NUP93: variants seen among roughly 807,000 people sequenced by gnomAD.
NUP93 encodes the protein nuclear pore complex protein Nup93.
In NUP93, 55 loss-of-function variants were observed where a neutral mutation model predicts 107.8. The observed-to-expected ratio is 0.51, with a 90% CI of 0.41 to 0.64. The LOEUF (loss-of-function observed/expected upper bound fraction) is 0.64, where lower values mean the gene tolerates loss of function less well. Among genes scored for constraint, NUP93 ranks in the 30% least tolerant of loss-of-function variants. NUP93 has a pLI of 0.00. For synonymous variants in NUP93, 390 were observed against 397.5 expected, an observed-to-expected ratio of 0.98 and a Z score of 0.22; for missense variants, 937 against 1,044.7, an observed-to-expected ratio of 0.90 and a Z score of 1.42.
chr16:56,781,881 G>A, intron 3 of NUP93: 1 of 985,364 alleles, frequency 1.0e-6, no homozygotes, highest in Non-Finnish European at 1.2e-6. Context: ...CTCTGAATTT[G>A]TGTAGCGCAC....
chr16:56,768,662 C>A (rs373673648), intron 3 of NUP93, among the ~76,000 whole-genome samples: 2 of 150,876 alleles, frequency 1.3e-5, no homozygotes, highest in Non-Finnish European at 2.9e-5. Context: ...GTCAGGAGAT[C>A]GAGACCATCC....
At chr16:56,828,904 C>A in intron 8 of NUP93, 73 bp from the exon 9 acceptor site, 1 of 1,497,882 alleles carries the variant, frequency 6.7e-7, no homozygotes, top group South Asian at 1.2e-5. Flanking sequence ...AGTGTAATGT[C>A]ATGGATATGG....
intron 1 of NUP93, among the ~76,000 whole-genome samples, chr16:56,731,989 C>T (rs1402025072): frequency 6.6e-6 from 1 of 152,132 alleles, no homozygotes; most frequent in African/African-American, 2.4e-5. Context: ...TAATCTGACC[C>T]ACTGTTACTT....
At chr16:56,737,531 A>G (rs76676380) in intron 1 of NUP93, among the ~76,000 whole-genome samples, 6,393 of 152,192 alleles carry the variant, frequency 0.042, 196 homozygotes, top group East Asian at 0.075. Flanking sequence ...CACTCCCCCT[A>G]CACTCCCAAG....
At chr16:56,771,815 G>A (rs1962327206) in intron 3 of NUP93, among the ~76,000 whole-genome samples, 1 of 152,218 alleles carries the variant, frequency 6.6e-6, no homozygotes, top group African/African-American at 2.4e-5. Context: ...TATGCTGTCT[G>A]AGTAGGTCAT....
At chr16:56,803,274 C>T (rs978740485) in intron 4 of NUP93, among the ~76,000 whole-genome samples, 6 of 152,236 alleles carry the variant, frequency 3.9e-5, no homozygotes, top group Admixed American at 3.3e-4. Flanking sequence ...GCCTAGCCAA[C>T]ATGGTGAAAC....
intron 4 of NUP93, among the ~76,000 whole-genome samples, chr16:56,804,062 C>A (rs868475726): frequency 6.6e-5 from 10 of 152,052 alleles, no homozygotes; most frequent in Non-Finnish European, 1.5e-4. Flanking sequence ...CAGAAAACAA[C>A]GTATTAAGTG....
intron 4 of NUP93, among the ~76,000 whole-genome samples, chr16:56,803,747 A>AATAT (rs71149699): frequency 8.0e-5 from 12 of 149,630 alleles, no homozygotes; most frequent in Non-Finnish European, 1.2e-4. Flanking sequence ...AACAGGGAAA[A>AATAT]ATATATATAT....
chr16:56,832,135 T>C lies in NUP93; in HGVS notation c.1251+128T>C, dbSNP rs1596854514. On this transcript the variant is annotated intron_variant, in intron 11 of 21. Transcript: ENST00000308159. ...CAGGACCAGTGGGTTCCTCGTCTCC[T>C]GTCCCCATTTTTTGTTGTGTAATTC... 5 of 1,284,880 alleles carry C rather than the reference T, an allele frequency of 3.9e-6. No homozygotes were observed. In the East Asian group the frequency reaches 1.2e-4, roughly 30 times the overall value. The allele number at this position is 1,284,880 out of a possible 1,614,324, so 79.6% of individuals were successfully genotyped here.
Position 56,849,610 on chromosome 16 carries a change from C to A in NUP93, c.*5001C>A, listed in dbSNP as rs1191462225. On this transcript the variant is annotated 3_prime_UTR_variant, in exon 22 of 22. Transcript: ENST00000308159. ...GGGGCTTTATGGCCTGCAGGTAAGGCCCCTTCATCCGGGTCAGACTTAGCA... is the reference window on the plus strand; with the variant it reads ...GGGGCTTTATGGCCTGCAGGTAAGGACCCTTCATCCGGGTCAGACTTAGCA... 2 of 152,194 alleles carry A rather than the reference C, an allele frequency of 1.3e-5. No homozygotes were observed. The highest frequency in any genetic ancestry group is 4.8e-5 in the African/African-American group (2 of 41,436). The allele number at this position is 152,194 out of a possible 1,614,324, so 9.4% of individuals were successfully genotyped here.
chr16:56,782,714 T>C (rs1313278988), intron 3 of NUP93: 1 of 152,180 alleles, frequency 6.6e-6, no homozygotes, highest in Non-Finnish European at 1.5e-5. Flanking sequence ...TCTTTAGGAA[T>C]TCAGTCCTTT....
At position 56,741,144 on chromosome 16, in the gene NUP93, T is replaced by C. The variant is rs111889097; in HGVS notation, c.-14-7090T>C. ...ATACATTTAAACATTTTAATTGTCTTCCAGAAGTTCTTACTTAATGATATA... is the reference window on the plus strand; with the variant it reads ...ATACATTTAAACATTTTAATTGTCTCCCAGAAGTTCTTACTTAATGATATA... On this transcript the variant is annotated intron_variant, in intron 1 of 21. Transcript: ENST00000308159. Among the ~76,000 whole-genome samples the C allele has an allele frequency of 8.9e-3, 1,357 of 152,330 alleles. 18 individuals carry two copies. The highest frequency in any genetic ancestry group is 0.031 in the African/African-American group (1,281 of 41,564).
intron 1 of NUP93, among the ~76,000 whole-genome samples, chr16:56,731,408 T>C (rs2144422958): frequency 6.6e-6 from 1 of 152,006 alleles, no homozygotes; most frequent in Non-Finnish European, 1.5e-5. Context: ...TTCCTTTTTT[T>C]TTTTTTCTTT....
At chr16:56,828,220 T>C (rs1963709064) in intron 8 of NUP93, among the ~76,000 whole-genome samples, 2 of 121,158 alleles carry the variant, frequency 1.7e-5, no homozygotes, top group Non-Finnish European at 3.5e-5. Context: ...AAAAAGATCA[T>C]TGTCATGAAA....
At chr16:56,752,344 C>T (rs1254059972) in intron 2 of NUP93, among the ~76,000 whole-genome samples, 1 of 152,084 alleles carries the variant, frequency 6.6e-6, no homozygotes, top group African/African-American at 2.4e-5. Flanking sequence ...AACAAATGTC[C>T]ATCAGTAGGT....
At chr16:56,834,998 CT>C (rs1963881688) in intron 16 of NUP93, among the ~76,000 whole-genome samples, 1 of 152,134 alleles carries the variant, frequency 6.6e-6, no homozygotes, top group African/African-American at 2.4e-5. Flanking sequence ...GATTACATAG[CT>C]TTTTTATTAT....
rs1964144292 is a variant in NUP93 at position 56,848,788 on chromosome 16, G to T, written c.*4179G>T. On this transcript the variant is annotated 3_prime_UTR_variant, in exon 22 of 22. Coordinates refer to ENST00000308159, the MANE Select transcript of NUP93 (RefSeq NM_014669.5). ...CAGCAGATGATTTCAAAACCTCTTT[G>T]TGTGCTGGGCCGTGCTAGGTAGCTG... 1 of 152,198 alleles carries T rather than the reference G, an allele frequency of 6.6e-6. No homozygotes were observed. The highest frequency in any genetic ancestry group is 1.5e-5 in the Non-Finnish European group (1 of 68,030). 9.4% of individuals were successfully genotyped at this position (152,198 alleles called of 1,614,324 possible).
intron 6 of NUP93, among the ~76,000 whole-genome samples, chr16:56,820,411 A>T (rs1963519944): frequency 1.3e-5 from 2 of 152,162 alleles, no homozygotes; most frequent in Admixed American, 1.3e-4. Flanking sequence ...TGCCTCCCAG[A>T]TTCAAGTGAT....
rs369307015 is a variant in NUP93 at position 56,768,289 on chromosome 16, C to T, written c.297+9634C>T. On this transcript the variant is annotated intron_variant, in intron 3 of 21. Transcript: ENST00000308159. ...ATTACGTTCTTGTCTTTTGGCTGGG[C>T]GCAGTGGCTCACGCCTGTAATCCCA... Among the ~76,000 whole-genome samples, 44 of 152,282 alleles carry T rather than the reference C, an allele frequency of 2.9e-4. 2 individuals carry two copies. Among genetic ancestry groups the T allele is most frequent in the East Asian group, 2.1e-3 (11 of 5,176 alleles).
Sources: allele counts gnomAD v4.1 joint callset (sites outside exome capture counted in the v4.1 genomes callset), GRCh38; gene constraint gnomAD v4.1.1; transcripts MANE v1.5; gene names NCBI Gene and HGNC (gene_info 2026-07-23, HGNC 2026-07-21).